Variants in APH1B observed in about 807,000 individuals in gnomAD.
The protein encoded by APH1B is gamma-secretase subunit APH-1B.
APH1B carries 27 observed loss-of-function variants against 28.2 expected under a neutral mutation model. The ratio of observed to expected loss-of-function variants is 0.96; its 90% CI spans 0.70 to 1.32. The LOEUF is 1.32. Among genes scored for constraint, APH1B ranks in the 40% most tolerant of loss-of-function variants. The pLI, the probability that APH1B is intolerant of heterozygous loss-of-function variation, is 0.00. For missense variants in APH1B, 305 were observed against 313.6 expected, an observed-to-expected ratio of 0.97 and a Z score of 0.21; for synonymous variants, 141 against 124.6, an observed-to-expected ratio of 1.13 and a Z score of -0.88.
In APH1B at chr15:63,302,277, C is replaced by T. The variant is rs879140241; in HGVS notation, c.479-68C>T. ...GTGGTGGACACCCCGAGAGCCCGTG[C>T]ACAGTGCCAGGGTCCTCAGTGGTTC... On this transcript the variant is annotated intron_variant, in intron 4 of 5. Transcript: ENST00000261879. 1.9e-6 allele frequency: 3 copies of T among 1,570,356 alleles called. No homozygotes were observed. In the South Asian group the frequency reaches 3.5e-5, roughly 18 times the overall value.
At chr15:63,281,744 C>T (rs1287708589) in intron 2 of APH1B, among the ~76,000 whole-genome samples, 1 of 151,690 alleles carries the variant, frequency 6.6e-6, no homozygotes, top group Non-Finnish European at 1.5e-5. Context: ...GAACATAGAT[C>T]CACATTATTG....
rs1435360133 is a variant in APH1B, at chr15:63,302,445, C to T, written c.579C>T (p.Leu193=). The change falls in exon 5 of 6, where the codon CTC becomes CTT. Residue 193 remains leucine, a synonymous_variant. Coordinates refer to ENST00000261879, the MANE Select transcript of APH1B (RefSeq NM_031301.4). ...KKKWGILLIV[L]LTHLLVSAQT... is the part of the protein sequence containing the mutation. ...AGTGGGGCATCCTCCTTATCGTTCT[C>T]CTGACCCACCTGCTGGTGTCAGCCC... 1.2e-6 allele frequency: 2 copies of T among 1,613,862 alleles called. No homozygotes were observed. Among genetic ancestry groups the T allele is most frequent in the Non-Finnish European group, 1.7e-6 (2 of 1,179,902 alleles).
At chr15:63,287,705 A>G (rs1440491411) in intron 4 of APH1B, among the ~76,000 whole-genome samples, 159 bp downstream of exon 4, 1 of 152,244 alleles carries the variant, frequency 6.6e-6, no homozygotes, top group Non-Finnish European at 1.5e-5. Context: ...TTAGGAAAAT[A>G]AAAATTCTGG....
At chr15:63,299,290 G>T (rs2038599536) in intron 4 of APH1B, among the ~76,000 whole-genome samples, 1 of 152,214 alleles carries the variant, frequency 6.6e-6, no homozygotes, top group Admixed American at 6.5e-5. Context: ...GAATTTGGAA[G>T]AAAGTCAGGG....
In APH1B at chr15:63,307,702, C is replaced by G. The variant is rs2038700870; in HGVS notation, c.*1921C>G. ...CTTAAAACTGTGTTAAATGGATATTCTGATAAAATATTTGCTGCTCTGTAG... is the reference window on the plus strand; with the variant it reads ...CTTAAAACTGTGTTAAATGGATATTGTGATAAAATATTTGCTGCTCTGTAG... On this transcript the variant is annotated 3_prime_UTR_variant, in exon 6 of 6. Coordinates refer to ENST00000261879, the MANE Select transcript of APH1B (RefSeq NM_031301.4). The G allele has an allele frequency of 6.6e-6, 1 of 152,176 alleles. No individual in the cohort carries two copies. Among genetic ancestry groups the G allele is most frequent in the Non-Finnish European group, 1.5e-5 (1 of 68,048 alleles). 9.4% of individuals were successfully genotyped at this position (152,176 alleles called of 1,614,324 possible). A position where few individuals can be genotyped will look rare whatever the true frequency, so the allele number is the denominator to read the frequency against.
Position 63,301,675 on chromosome 15 carries a change from G to A in APH1B, c.479-670G>A, listed in dbSNP as rs28593041. ...CAGCTCACTGCAACTTCCGCCTCCC[G>A]GGTTCAAGTAATTCTCCTGCCTGAG... On this transcript the variant is annotated intron_variant, in intron 4 of 5. Coordinates refer to ENST00000261879, the MANE Select transcript of APH1B (RefSeq NM_031301.4). Among the ~76,000 whole-genome samples the A allele has an allele frequency of 3.8e-3, 580 of 151,836 alleles. 2 individuals carry two copies. The highest frequency in any genetic ancestry group is 0.014 in the African/African-American group (563 of 41,398).
chr15:63,293,717 C>G (rs1053323431), intron 4 of APH1B, among the ~76,000 whole-genome samples: 2 of 152,004 alleles, frequency 1.3e-5, no homozygotes, highest in Non-Finnish European at 1.5e-5. Context: ...AGGTTTTTCT[C>G]GAACTCCTGA....
chr15:63,295,285 C>T (rs1423067976), intron 4 of APH1B, among the ~76,000 whole-genome samples: 1 of 152,222 alleles, frequency 6.6e-6, no homozygotes, highest in African/African-American at 2.4e-5. Flanking sequence ...ATCCCGAGAA[C>T]CTGTATCCAT....
chr15:63,289,976 C>T (rs992446965), intron 4 of APH1B, among the ~76,000 whole-genome samples: 1 of 151,546 alleles, frequency 6.6e-6, no homozygotes, highest in Non-Finnish European at 1.5e-5. Context: ...GCAATCCAGC[C>T]TGAGTAACAG....
chr15:63,297,858 GA>G (rs1176081539), intron 4 of APH1B, among the ~76,000 whole-genome samples: 2 of 152,198 alleles, frequency 1.3e-5, no homozygotes, highest in African/African-American at 4.8e-5. Flanking sequence ...AGCACGTCGT[GA>G]TAGTGAAGGC....
intron 2 of APH1B, among the ~76,000 whole-genome samples, chr15:63,281,600 A>G (rs921222109): frequency 6.6e-6 from 1 of 151,326 alleles, no homozygotes; most frequent in African/African-American, 2.4e-5. Context: ...TAGGACTTGT[A>G]TGTTCTAAAA....
chr15:63,287,475 C>T lies in APH1B; in HGVS notation c.407C>T (p.Thr136Ile), dbSNP rs772109811. 11 of 1,613,884 alleles carry T rather than the reference C, an allele frequency of 6.8e-6. No homozygotes were observed. The highest frequency in any genetic ancestry group is 1.6e-4 in the Middle Eastern group (1 of 6,082). The change falls in exon 4 of 6, where the codon ACC becomes ATC. Residue 136 changes from threonine (T) to isoleucine (I), a missense_variant. Coordinates refer to ENST00000261879, the MANE Select transcript of APH1B (RefSeq NM_031301.4). Reference sequence around the variant, plus strand: ...AGTGGAGTATTTTCCTTTGTGAATACCCTATCTGACTCCTTGGGGCCAGGC... The same window carrying T: ...AGTGGAGTATTTTCCTTTGTGAATATCCTATCTGACTCCTTGGGGCCAGGC... ...IMSGVFSFVN[T>I]LSDSLGPGTV...
At chr15:63,286,457 T>G in intron 2 of APH1B, 101 bp from the exon 3 acceptor site, 6 of 901,328 alleles carry the variant, frequency 6.7e-6, no homozygotes, top group Non-Finnish European at 8.3e-6. Flanking sequence ...AAAGCCTCAG[T>G]GAGTATCTGG....
At chr15:63,285,672 G>C (rs541570778) in intron 2 of APH1B, among the ~76,000 whole-genome samples, 1 of 152,308 alleles carries the variant, frequency 6.6e-6, no homozygotes, top group East Asian at 1.9e-4. Context: ...GGATCTTGCT[G>C]TGTGGTCCAG....
chr15:63,296,722 A>T (rs528098307), intron 4 of APH1B, among the ~76,000 whole-genome samples: 1 of 145,666 alleles, frequency 6.9e-6, no homozygotes, highest in African/African-American at 2.5e-5. Flanking sequence ...CAGTGGTGCC[A>T]TCTTGGCTCA....
At chr15:63,298,802 A>G (rs1043662083) in intron 4 of APH1B, among the ~76,000 whole-genome samples, 11 of 152,026 alleles carry the variant, frequency 7.2e-5, no homozygotes, top group Non-Finnish European at 1.5e-4. Flanking sequence ...CACGCAGTGG[A>G]GCTGGGATTC....
At chr15:63,291,906 A>G (rs942879227) in intron 4 of APH1B, 1 of 152,292 alleles carries the variant, frequency 6.6e-6, no homozygotes, top group Admixed American at 6.5e-5. Flanking sequence ...GAATATACCC[A>G]GAGCCACACA....
At chr15:63,305,380 A>G (rs769588726) in intron 5 of APH1B, among the ~76,000 whole-genome samples, 4 of 152,206 alleles carry the variant, frequency 2.6e-5, no homozygotes, top group Admixed American at 6.5e-5. Flanking sequence ...GGTTCTGCCT[A>G]ATGACTGCCT....
At chr15:63,282,005 T>C (rs762202346) in intron 2 of APH1B, among the ~76,000 whole-genome samples, 1 of 152,216 alleles carries the variant, frequency 6.6e-6, no homozygotes, top group Non-Finnish European at 1.5e-5. Context: ...TACTAGCAGG[T>C]ACGTTTGTTT....
Sources: allele counts gnomAD v4.1 joint callset (sites outside exome capture counted in the v4.1 genomes callset), GRCh38; gene constraint gnomAD v4.1.1; transcripts MANE v1.5; gene names NCBI Gene and HGNC (gene_info 2026-07-23, HGNC 2026-07-21).